TLL2: variants seen among roughly 807,000 people sequenced by gnomAD.
The protein encoded by TLL2 is tolloid-like protein 2.
A neutral mutation model predicts 123.0 loss-of-function variants in TLL2; 106 were observed. That is an observed-to-expected ratio of 0.86 (90% CI 0.74 to 1.01). The LOEUF is 1.01. Ranked by LOEUF, TLL2 falls within the 50% of genes least tolerant of loss-of-function variation. The pLI, the probability that TLL2 is intolerant of heterozygous loss-of-function variation, is 0.00. For synonymous variants in TLL2, 494 were observed against 516.8 expected, an observed-to-expected ratio of 0.96 and a Z score of 0.60; for missense variants, 1,332 against 1,336.7, an observed-to-expected ratio of 1.00 and a Z score of 0.06.
rs764473728 is a variant in TLL2 at position 96,510,986 on chromosome 10, C to T, written c.175+2525G>A. On this transcript the variant is annotated intron_variant, in intron 1 of 20. Coordinates refer to ENST00000357947, the MANE Select transcript of TLL2 (RefSeq NM_012465.4). ...ACTGAGGCCCAGAGAGGAGGGGAGT[C>T]GTCCCGGTAACACAGATCCTGAAAA... 2.8e-4 allele frequency among the ~76,000 whole-genome samples: 43 copies of T among 152,298 alleles called. No homozygotes were observed. The Middle Eastern group carries it at 0.02, about 72-fold the overall frequency.
rs754512544 is a variant in TLL2, at chr10:96,386,967, T to A, written c.1838A>T (p.Lys613Met). 2 of 1,614,160 alleles carry A rather than the reference T, an allele frequency of 1.2e-6. No homozygotes were observed. Among genetic ancestry groups the A allele is most frequent in the South Asian group, 2.2e-5 (2 of 91,084 alleles). Residue 613 changes from lysine to methionine, a missense_variant, in exon 14 of 21, where the codon AAG becomes ATG. By Grantham distance (95) the Lys-to-Met change is moderately conservative. Transcript: ENST00000357947. Reference sequence around the variant, plus strand: ...CCCACACCAACCTTCACACATCTTCTTATCGGCGGCCAGCTCGTAGCCAGG... The same window carrying A: ...CCCACACCAACCTTCACACATCTTCATATCGGCGGCCAGCTCGTAGCCAGG... ...CDPGYELAAD[K>M]KMCEVACGGF...
intron 8 of TLL2, among the ~76,000 whole-genome samples, chr10:96,410,956 T>G (rs1846497173): frequency 6.6e-6 from 1 of 152,020 alleles, no homozygotes; most frequent in South Asian, 2.1e-4. Context: ...AAAATGCAAG[T>G]AGAGGCCAGG....
rs1020179055 is a variant in TLL2, at chr10:96,386,365, A to G, written c.1853-150T>C. The stretch of plus-strand genomic sequence containing the variant: ...ATTAATTCAGTGTCCTTTGTTCAAA[A>G]CTAATGGTTTCAACTGAATATTTGA... On this transcript the variant is annotated intron_variant, in intron 14 of 20. Coordinates refer to ENST00000357947, the MANE Select transcript of TLL2 (RefSeq NM_012465.4). 17 of 821,840 alleles carry G rather than the reference A, an allele frequency of 2.1e-5. No individual in the cohort carries two copies. The Admixed American group carries it at 5.9e-4, about 29-fold the overall frequency. The allele number at this position is 821,840 out of a possible 1,614,324, so 50.9% of individuals were successfully genotyped here. A position where few individuals can be genotyped will look rare whatever the true frequency, so the allele number is the denominator to read the frequency against.
rs74151358 is a variant in TLL2, at chr10:96,485,692, A to G, written c.176-5233T>C. 4.3e-3 allele frequency among the ~76,000 whole-genome samples: 657 copies of G among 152,310 alleles called. 3 individuals carry two copies. Among genetic ancestry groups the G allele is most frequent in the Middle Eastern group, 0.017 (5 of 294 alleles). On this transcript the variant is annotated intron_variant, in intron 1 of 20. Transcript: ENST00000357947. ...TCTCAATTTAAAGCTTTTCTTGGGGACCCAAACTTTGTACAAGGAAGTCTA... is the reference window on the plus strand; with the variant it reads ...TCTCAATTTAAAGCTTTTCTTGGGGGCCCAAACTTTGTACAAGGAAGTCTA...
intron 1 of TLL2, among the ~76,000 whole-genome samples, chr10:96,502,980 C>T (rs1281841195): frequency 2.0e-5 from 3 of 152,174 alleles, no homozygotes; most frequent in Non-Finnish European, 4.4e-5. Context: ...ACAGATAGGT[C>T]TGTAACCAAT....
chr10:96,388,660 C>G (rs548710172), intron 13 of TLL2, among the ~76,000 whole-genome samples: 9 of 152,316 alleles, frequency 5.9e-5, no homozygotes, highest in Admixed American at 2.0e-4. Flanking sequence ...TTCCAGTCCA[C>G]TGGTCCTCAG....
Position 96,370,945 on chromosome 10 carries a change from C to A in TLL2, c.2663-630G>T, listed in dbSNP as rs191952300. Reference sequence around the variant, plus strand: ...TGTAGCCTTTGTTTCTGGGTTTTTTCATTATACAAGGACAGTAACTCTGGT... The same window carrying A: ...TGTAGCCTTTGTTTCTGGGTTTTTTAATTATACAAGGACAGTAACTCTGGT... On this transcript the variant is annotated intron_variant, in intron 19 of 20. Coordinates refer to ENST00000357947, the MANE Select transcript of TLL2 (RefSeq NM_012465.4). Among the ~76,000 whole-genome samples, 138 of 152,268 alleles carry A rather than the reference C, an allele frequency of 9.1e-4. 4 individuals are homozygous for A. In the East Asian group the frequency reaches 0.021, roughly 24 times the overall value.
rs1350934840 is a variant in TLL2 at position 96,374,972 on chromosome 10, G to C, written c.2449-1163C>G. Among the ~76,000 whole-genome samples, 290 of 131,300 alleles carry C rather than the reference G, an allele frequency of 2.2e-3. 22 individuals carry two copies. The highest frequency in any genetic ancestry group is 0.017 in the Admixed American group (225 of 13,412). The allele number at this position is 131,300 out of a possible 152,430, so 86.1% of individuals were successfully genotyped here. Reference sequence around the variant, plus strand: ...CAGGACATTAGTTGCGGGGGGGGGGGGGGGGTGTCAATTCAAAAGAGCGGG... The same window carrying C: ...CAGGACATTAGTTGCGGGGGGGGGGCGGGGGTGTCAATTCAAAAGAGCGGG... On this transcript the variant is annotated intron_variant, in intron 18 of 20. Coordinates refer to ENST00000357947, the MANE Select transcript of TLL2 (RefSeq NM_012465.4).
intron 2 of TLL2, among the ~76,000 whole-genome samples, chr10:96,462,250 C>T (rs368474554): frequency 5.9e-4 from 90 of 152,178 alleles, no homozygotes; most frequent in African/African-American, 2.1e-3. Context: ...CCCTGCCCAG[C>T]CCTTTGCCTC....
intron 2 of TLL2, among the ~76,000 whole-genome samples, chr10:96,465,033 T>C (rs955200079): frequency 2.0e-5 from 3 of 152,154 alleles, no homozygotes; most frequent in African/African-American, 7.2e-5. Flanking sequence ...CATTAGGTCA[T>C]AGAAAGAGTA....
intron 2 of TLL2, among the ~76,000 whole-genome samples, chr10:96,464,471 A>G (rs1188141772): frequency 6.6e-6 from 1 of 151,900 alleles, no homozygotes; most frequent in East Asian, 1.9e-4. Flanking sequence ...AGCAGTCACA[A>G]CTCTGGCTCC....
chr10:96,470,538 A>T (rs1216941318), intron 2 of TLL2, among the ~76,000 whole-genome samples: 4 of 152,222 alleles, frequency 2.6e-5, no homozygotes, highest in Non-Finnish European at 5.9e-5. Flanking sequence ...AGCCTGCAAA[A>T]CACATCCTGT....
intron 1 of TLL2, among the ~76,000 whole-genome samples, chr10:96,504,881 G>A (rs11188805): frequency 1.2e-4 from 19 of 152,170 alleles, no homozygotes; most frequent in Admixed American, 3.3e-4. Context: ...GGTGGCGGGC[G>A]CCTGTAGCGC....
intron 3 of TLL2, among the ~76,000 whole-genome samples, chr10:96,439,645 GA>G (rs936877727): frequency 4.6e-5 from 7 of 152,122 alleles, no homozygotes; most frequent in African/African-American, 9.7e-5. Flanking sequence ...TTGGGGTGGT[GA>G]AAAGGTAATA....
chr10:96,461,161 T>C (rs1847078911), intron 2 of TLL2, among the ~76,000 whole-genome samples: 1 of 152,236 alleles, frequency 6.6e-6, no homozygotes, highest in South Asian at 2.1e-4. Flanking sequence ...GGCTCAATCA[T>C]GAAGAGTCTG....
chr10:96,499,787 G>T (rs1478250654), intron 1 of TLL2, among the ~76,000 whole-genome samples: 4 of 151,846 alleles, frequency 2.6e-5, no homozygotes, highest in African/African-American at 7.3e-5. Flanking sequence ...CAGAAGAAAA[G>T]GTGCATGAAT....
chr10:96,463,446 C>G (rs1255085032), intron 2 of TLL2, among the ~76,000 whole-genome samples: 1 of 152,212 alleles, frequency 6.6e-6, no homozygotes, highest in African/African-American at 2.4e-5. Context: ...GTTCTCCCAG[C>G]ATGATGGACC....
At chr10:96,460,856 C>T (rs10882794) in intron 2 of TLL2, among the ~76,000 whole-genome samples, 24,444 of 152,198 alleles carry the variant, frequency 0.16, 2,337 homozygotes, top group East Asian at 0.29. Context: ...ATCCCTTCTG[C>T]CATGTGAAAA....
chr10:96,442,923 G>C (rs1846863475), intron 3 of TLL2, among the ~76,000 whole-genome samples: 1 of 152,202 alleles, frequency 6.6e-6, no homozygotes, highest in South Asian at 2.1e-4. Flanking sequence ...ACCTGGCTAT[G>C]TGCTTTACAT....
Sources: gnomAD v4.1 joint callset for allele counts (sites outside exome capture counted in the v4.1 genomes callset) on GRCh38, gnomAD v4.1.1 for gene constraint, MANE v1.5 for transcripts, NCBI Gene and HGNC (gene_info 2026-07-23, HGNC 2026-07-21) for gene names.